Variants in INPP5F observed in about 807,000 individuals in gnomAD.
INPP5F encodes inositol polyphosphate-5-phosphatase F.
A neutral mutation model predicts 137.2 loss-of-function variants in INPP5F; 97 were observed. The ratio of observed to expected loss-of-function variants is 0.71; its 90% confidence interval spans 0.60 to 0.84. The LOEUF is 0.84. INPP5F is among the 40% of genes least tolerant of loss of function. The pLI is 0.00. For synonymous variants in INPP5F, 504 were observed against 476.9 expected (o/e 1.06, Z -0.74); for missense variants, 1,271 against 1,371.9 (o/e 0.93, Z 1.16).
chr10:119,743,088 C>G (rs1193568990), intron 1 of INPP5F, among the ~76,000 whole-genome samples: 1 of 152,170 alleles, frequency 6.6e-6, no homozygotes, highest in African/African-American at 2.4e-5. Context: ...GTTACTTTAC[C>G]TATGCCAGCT....
chr10:119,779,024 C>T (rs1353221699), intron 2 of INPP5F, among the ~76,000 whole-genome samples: 1 of 152,170 alleles, frequency 6.6e-6, no homozygotes. Flanking sequence ...TCCCCCTCTT[C>T]TCTGTACCCC....
intron 2 of INPP5F, among the ~76,000 whole-genome samples, chr10:119,752,779 A>G (rs1198974053): frequency 1.3e-5 from 2 of 151,630 alleles, no homozygotes; most frequent in Admixed American, 1.3e-4. Context: ...TATTTTGGGG[A>G]TTTTATATAA....
intron 2 of INPP5F, among the ~76,000 whole-genome samples, chr10:119,771,594 AATT>A (rs926998859): frequency 6.6e-6 from 1 of 151,814 alleles, no homozygotes; most frequent in African/African-American, 2.4e-5. Flanking sequence ...AAACAAATAC[AATT>A]ATTATGCTTA....
At chr10:119,766,450 G>A (rs1420107407) in intron 2 of INPP5F, among the ~76,000 whole-genome samples, 1 of 152,080 alleles carries the variant, frequency 6.6e-6, no homozygotes, top group Non-Finnish European at 1.5e-5. Context: ...GACAACAGCA[G>A]TATTTGATGA....
chr10:119,795,099 C>G (rs1398397172), intron 6 of INPP5F, among the ~76,000 whole-genome samples: 1 of 139,692 alleles, frequency 7.2e-6, no homozygotes, highest in African/African-American at 2.7e-5. Context: ...CTCCCTCCCT[C>G]CCGGACGGGG....
intron 6 of INPP5F, among the ~76,000 whole-genome samples, chr10:119,795,061 TGGCCGGGCGGGG>T (rs1454397552): frequency 4.7e-5 from 6 of 128,678 alleles, no homozygotes; most frequent in Non-Finnish European, 1.0e-4. Flanking sequence ...ATGGGGCGGC[TGGCCGGGCGGGG>T]GGCTGACCCC....
At chr10:119,784,812 A>G (rs888181209) in intron 3 of INPP5F, among the ~76,000 whole-genome samples, 1 of 152,126 alleles carries the variant, frequency 6.6e-6, no homozygotes, top group African/African-American at 2.4e-5. Flanking sequence ...ACCTTTCATC[A>G]TCCCCCGAAA....
intron 19 of INPP5F, among the ~76,000 whole-genome samples, chr10:119,824,534 A>G (rs1851691338): frequency 6.6e-6 from 1 of 152,140 alleles, no homozygotes; most frequent in African/African-American, 2.4e-5. Flanking sequence ...GGAGGGCGTG[A>G]TGGCCTGTGT....
At chr10:119,751,687 A>G (rs1255889297) in intron 2 of INPP5F, among the ~76,000 whole-genome samples, 1 of 152,214 alleles carries the variant, frequency 6.6e-6, no homozygotes, top group Non-Finnish European at 1.5e-5. Flanking sequence ...TTTAAAGGGA[A>G]TTTTGTTGGT....
intron 1 of INPP5F, among the ~76,000 whole-genome samples, chr10:119,729,489 A>T (rs1847988626): frequency 6.6e-6 from 1 of 151,946 alleles, no homozygotes; most frequent in African/African-American, 2.4e-5. Context: ...TGGAGTGGAA[A>T]ATCTCTGTCC....
intron 13 of INPP5F, 128 bp downstream of exon 13, chr10:119,808,188 T>C (rs927764546): frequency 6.8e-6 from 8 of 1,172,304 alleles, no homozygotes; most frequent in Non-Finnish European, 9.4e-6. Context: ...TCTGAAATGG[T>C]TGGCTAAGGC....
chr10:119,805,360 T>C (rs187275079), intron 10 of INPP5F, 24 bp from the exon 11 acceptor site: 59 of 1,581,758 alleles, frequency 3.7e-5, no homozygotes, highest in East Asian at 2.9e-4. Context: ...AAAGATTTTT[T>C]CTTTCTTTTG....
chr10:119,798,580 C>G lies in INPP5F; in HGVS notation c.1086C>G (p.Phe362Leu), dbSNP rs768938523. 1 of 1,612,110 alleles carries G rather than the reference C, an allele frequency of 6.2e-7. No individual in the cohort carries two copies. Among genetic ancestry groups the G allele is most frequent in the Non-Finnish European group, 8.5e-7 (1 of 1,178,982 alleles). The change falls in exon 9 of 20, where the codon TTC (phenylalanine) becomes TTG (leucine). Residue 362 changes from phenylalanine to leucine, a missense_variant. Transcript: ENST00000650623. ...KETVAYFCAH[F>L]EEQLNIYKKQ... Reference sequence around the variant, plus strand: ...CTGTTGCCTATTTCTGTGCCCATTTCGAAGAACAACTGAACATTTACAAAA... The same window carrying G: ...CTGTTGCCTATTTCTGTGCCCATTTGGAAGAACAACTGAACATTTACAAAA...
At chr10:119,818,105 T>C (rs1257320325) in intron 15 of INPP5F, among the ~76,000 whole-genome samples, 2 of 152,200 alleles carry the variant, frequency 1.3e-5, no homozygotes, top group African/African-American at 4.8e-5. Flanking sequence ...TCCTGGCCCT[T>C]CTCCCATGCA....
At chr10:119,784,940 C>T (rs551814576) in intron 3 of INPP5F, among the ~76,000 whole-genome samples, 17 of 152,330 alleles carry the variant, frequency 1.1e-4, no homozygotes, top group South Asian at 8.3e-4. Flanking sequence ...CTGGACATCT[C>T]ATAGAAACGG....
chr10:119,770,575 G>A (rs1347757389), intron 2 of INPP5F, among the ~76,000 whole-genome samples: 1 of 152,174 alleles, frequency 6.6e-6, no homozygotes, highest in Non-Finnish European at 1.5e-5. Flanking sequence ...GGCAGTGGTG[G>A]TGTATTTTGT....
intron 7 of INPP5F, among the ~76,000 whole-genome samples, chr10:119,797,248 T>C (rs998499796): frequency 6.6e-6 from 1 of 152,160 alleles, no homozygotes; most frequent in Non-Finnish European, 1.5e-5. Flanking sequence ...AAGACCTTTC[T>C]CTTTCAGTTC....
intron 2 of INPP5F, among the ~76,000 whole-genome samples, chr10:119,756,154 T>TAAACAAACAAACAAACAAA (rs1848835359): frequency 1.3e-5 from 2 of 148,996 alleles, no homozygotes; most frequent in African/African-American, 4.9e-5. Context: ...AGACTCTGTC[T>TAAACAAACAAACAAACAAA]CAAGAAAACA....
At chr10:119,825,612 T>C (rs1589761541) in intron 19 of INPP5F, among the ~76,000 whole-genome samples, 1 of 152,212 alleles carries the variant, frequency 6.6e-6, no homozygotes, top group East Asian at 1.9e-4. Context: ...AGAGGAAACA[T>C]TGAAATTTTT....
Sources: allele counts gnomAD v4.1 joint callset (sites outside exome capture counted in the v4.1 genomes callset), GRCh38; gene constraint gnomAD v4.1.1; transcripts MANE v1.5; gene names NCBI Gene and HGNC (gene_info 2026-07-23, HGNC 2026-07-21).